Variants in PTCHD4 observed in about 807,000 individuals in gnomAD.
PTCHD4 encodes the protein patched domain containing 4, also known as patched domain-containing protein 4.
A neutral mutation model predicts 58.1 loss-of-function variants in PTCHD4; 33 were observed. That is an observed-to-expected ratio of 0.57 (90% CI 0.43 to 0.76). The LOEUF (loss-of-function observed/expected upper bound fraction) is 0.76, where lower values mean the gene tolerates loss of function less well. PTCHD4 is among the 30% of genes least tolerant of loss of function. PTCHD4 has a pLI of 0.00. For missense variants in PTCHD4, 1,058 were observed against 1,027.1 expected, an observed-to-expected ratio of 1.03 and a Z score of -0.41; for synonymous variants, 478 against 409.6, an observed-to-expected ratio of 1.17 and a Z score of -2.02.
chr6:47,968,547 A>G (rs1022262634), intron 4 of PTCHD4, among the ~76,000 whole-genome samples: 2 of 152,220 alleles, frequency 1.3e-5, no homozygotes, highest in Non-Finnish European at 2.9e-5. Flanking sequence ...TTGAAGCACA[A>G]TAAAACAAGA....
chr6:47,865,623 C>T lies in PTCHD4; in HGVS notation c.*12680G>A, dbSNP rs540149553. ...TAAGTTTTGTGAATTGTATTTATTT[C>T]TTCCTTTTTATATTCAGTGCCACAA... On this transcript the variant is annotated 3_prime_UTR_variant, in exon 5 of 5. Coordinates refer to ENST00000339488, the MANE Select transcript of PTCHD4 (RefSeq NM_001384253.1). Among the ~76,000 whole-genome samples the T allele has an allele frequency of 1.3e-5, 2 of 151,898 alleles. No individual in the cohort carries two copies. Among genetic ancestry groups the T allele is most frequent in the South Asian group, 4.1e-4 (2 of 4,822 alleles).
At chr6:48,058,141 G>T (rs1212164495) in intron 3 of PTCHD4, among the ~76,000 whole-genome samples, 1 of 152,238 alleles carries the variant, frequency 6.6e-6, no homozygotes, top group Non-Finnish European at 1.5e-5. Flanking sequence ...TGGGATCCAT[G>T]AAATCAGTAT....
intron 1 of PTCHD4, among the ~76,000 whole-genome samples, chr6:48,101,013 T>A (rs2113912300): frequency 6.6e-6 from 1 of 151,976 alleles, no homozygotes; most frequent in East Asian, 1.9e-4. Context: ...GGTATAAATT[T>A]TTCTATGACA....
rs955278727 is a variant in PTCHD4, at chr6:47,875,769, C to T, written c.*2534G>A. 6.6e-6 allele frequency among the ~76,000 whole-genome samples: 1 copy of T among 151,790 alleles called. No homozygotes were observed. The highest frequency in any genetic ancestry group is 6.6e-5 in the Admixed American group (1 of 15,182). Reference sequence around the variant, plus strand: ...GGTCATTTGGCAGTGTATACCATTTCCTCCATGTGCTTTTGACAACTGGCA... The same window carrying T: ...GGTCATTTGGCAGTGTATACCATTTTCTCCATGTGCTTTTGACAACTGGCA... On this transcript the variant is annotated 3_prime_UTR_variant, in exon 5 of 5. Transcript: ENST00000339488.
intron 4 of PTCHD4, among the ~76,000 whole-genome samples, chr6:47,922,242 T>C (rs936879165): frequency 6.6e-6 from 1 of 152,200 alleles, no homozygotes; most frequent in Admixed American, 6.5e-5. Context: ...AACTGAACAC[T>C]AGTTTTAGGA....
chr6:47,901,751 G>A (rs1764712379), intron 4 of PTCHD4: 1 of 1,213,560 alleles, frequency 8.2e-7, no homozygotes, highest in South Asian at 1.5e-5. Flanking sequence ...TTGCTCTGAT[G>A]GTATTGGTGG....
chr6:47,897,913 A>G (rs1466733379), intron 4 of PTCHD4, among the ~76,000 whole-genome samples: 1 of 129,394 alleles, frequency 7.7e-6, no homozygotes, highest in African/African-American at 2.9e-5. Context: ...ATCTGTTATC[A>G]TTTCATCCTT....
chr6:47,927,663 C>T (rs1008720141), intron 4 of PTCHD4, among the ~76,000 whole-genome samples: 5 of 151,990 alleles, frequency 3.3e-5, no homozygotes, highest in African/African-American at 1.2e-4. Context: ...TCATCTCTTC[C>T]AGGACATTTT....
chr6:48,004,333 C>T (rs1768864358), intron 4 of PTCHD4, among the ~76,000 whole-genome samples: 1 of 152,058 alleles, frequency 6.6e-6, no homozygotes, highest in Non-Finnish European at 1.5e-5. Context: ...TTACACATAA[C>T]GCAGACTCAG....
intron 4 of PTCHD4, among the ~76,000 whole-genome samples, chr6:47,918,821 T>C (rs976972058): frequency 6.6e-6 from 1 of 152,180 alleles, no homozygotes; most frequent in African/African-American, 2.4e-5. Flanking sequence ...TTTCATGTAC[T>C]CTTACTGCTA....
chr6:47,871,611 A>G lies in PTCHD4; in HGVS notation c.*6692T>C, dbSNP rs987404567. 2.0e-5 allele frequency among the ~76,000 whole-genome samples: 3 copies of G among 151,698 alleles called. No individual in the cohort carries two copies. The highest frequency in any genetic ancestry group is 4.4e-5 in the Non-Finnish European group (3 of 67,754). On this transcript the variant is annotated 3_prime_UTR_variant, in exon 5 of 5. Coordinates refer to ENST00000339488, the MANE Select transcript of PTCHD4 (RefSeq NM_001384253.1). ...CTGCATATAGGAGTGCTCATTTTAC[A>G]TTTTGCCTTGTCTAATTTGATAAAG...
chr6:47,908,587 A>G (rs1033612896), intron 4 of PTCHD4, among the ~76,000 whole-genome samples: 3 of 152,192 alleles, frequency 2.0e-5, no homozygotes, highest in Non-Finnish European at 2.9e-5. Flanking sequence ...GAGCTAAGTC[A>G]GTTTCCCTCA....
chr6:47,930,948 C>T (rs983025946), intron 4 of PTCHD4, among the ~76,000 whole-genome samples: 1 of 152,184 alleles, frequency 6.6e-6, no homozygotes, highest in South Asian at 2.1e-4. Flanking sequence ...CATCTGCCAC[C>T]ACACCTGGCT....
chr6:47,964,424 T>C (rs1284088838), intron 4 of PTCHD4, among the ~76,000 whole-genome samples: 1 of 152,108 alleles, frequency 6.6e-6, no homozygotes, highest in African/African-American at 2.4e-5. Flanking sequence ...CTCCACAGTT[T>C]CAACCTATAA....
At chr6:48,086,566 G>T (rs1257160885) in intron 1 of PTCHD4, among the ~76,000 whole-genome samples, 1 of 151,692 alleles carries the variant, frequency 6.6e-6, no homozygotes, top group African/African-American at 2.4e-5. Context: ...AGGGATTGTG[G>T]AGGCAAAAAG....
intron 4 of PTCHD4, among the ~76,000 whole-genome samples, chr6:47,899,066 G>A (rs546235285): frequency 4.6e-4 from 70 of 152,324 alleles, no homozygotes; most frequent in Middle Eastern, 3.4e-3. Flanking sequence ...GCTCCTACCA[G>A]AGGCAAGGGA....
intron 4 of PTCHD4, among the ~76,000 whole-genome samples, chr6:47,917,189 TA>T (rs565602567): frequency 3.3e-5 from 5 of 152,146 alleles, no homozygotes; most frequent in Admixed American, 6.5e-5. Context: ...TTAATTTATA[TA>T]TTTTTTTCAA....
chr6:48,079,515 A>G (rs1343128289), intron 1 of PTCHD4, among the ~76,000 whole-genome samples: 1 of 151,948 alleles, frequency 6.6e-6, no homozygotes, highest in African/African-American at 2.4e-5. Context: ...AGAGTACAGT[A>G]TTCCCTACTT....
chr6:47,878,889 T>A lies in PTCHD4; in HGVS notation c.1946A>T (p.His649Leu). The change falls in exon 5 of 5, where the codon CAT (histidine) becomes CTT (leucine). Residue 649 changes from histidine (H) to leucine (L), a missense_variant. His to Leu is a moderately conservative substitution (Grantham distance 99). Transcript: ENST00000339488. Reference protein sequence around the residue: ...VFNPSFVFMDHYSLSVTVPVL... With the variant: ...VFNPSFVFMDLYSLSVTVPVL... ...AGGCACTGTGACAGACAAGCTGTAA[T>A]GGTCCATGAAGACAAAGGAGGGGTT... 1 of 1,613,654 alleles carries A rather than the reference T, an allele frequency of 6.2e-7. No homozygotes were observed. The highest frequency in any genetic ancestry group is 2.2e-5 in the East Asian group (1 of 44,852).
Sources: allele counts gnomAD v4.1 joint callset (sites outside exome capture counted in the v4.1 genomes callset), GRCh38; gene constraint gnomAD v4.1.1; transcripts MANE v1.5; gene names NCBI Gene and HGNC (gene_info 2026-07-23, HGNC 2026-07-21).